The following CDH18 variants were observed in gnomAD, a reference collection of about 807,000 sequenced individuals.
CDH18 encodes the protein cadherin 18.
In CDH18, 31 loss-of-function variants were observed where a neutral mutation model predicts 67.9. That is an observed-to-expected ratio of 0.46 (90% CI 0.34 to 0.62). The LOEUF is 0.62. CDH18 is among the 20% of genes least tolerant of loss of function. CDH18 has a pLI of 0.01. For synonymous variants in CDH18, 362 were observed against 347.2 expected, an observed-to-expected ratio of 1.04 and a Z score of -0.48; for missense variants, 890 against 975.5, an observed-to-expected ratio of 0.91 and a Z score of 1.17.
At chr5:20,503,245 T>G (rs1754450111) in intron 1 of CDH18, among the ~76,000 whole-genome samples, 1 of 151,926 alleles carries the variant, frequency 6.6e-6, no homozygotes, top group Non-Finnish European at 1.5e-5. Context: ...TATTTCTTTT[T>G]TTTTTTACAT....
chr5:19,565,007 T>G (rs1740120084), intron 8 of CDH18, among the ~76,000 whole-genome samples: 1 of 151,622 alleles, frequency 6.6e-6, no homozygotes, highest in African/African-American at 2.4e-5. Context: ...GGCTGGGGTG[T>G]CAGCTCAGCC....
At chr5:20,086,612 T>C (rs1744973437) in intron 2 of CDH18, among the ~76,000 whole-genome samples, 1 of 152,006 alleles carries the variant, frequency 6.6e-6, no homozygotes, top group Non-Finnish European at 1.5e-5. Context: ...CATTTACCAC[T>C]CCAAAAAAAT....
intron 1 of CDH18, among the ~76,000 whole-genome samples, chr5:20,390,889 A>C (rs1251872302): frequency 6.6e-6 from 1 of 152,152 alleles, no homozygotes; most frequent in Non-Finnish European, 1.5e-5. Flanking sequence ...TCACAAGGAC[A>C]AAAAACCAAA....
Position 20,440,365 on chromosome 5 carries a change from T to A in CDH18, c.-580+135097A>T, listed in dbSNP as rs1445547800. Among the ~76,000 whole-genome samples, 2 of 151,814 alleles carry A rather than the reference T, an allele frequency of 1.3e-5. 1 individual carries two copies. Among genetic ancestry groups the A allele is most frequent in the African/African-American group, 4.9e-5 (2 of 41,164 alleles). On this transcript the variant is annotated intron_variant, in intron 1 of 14. Coordinates refer to the CDH18 transcript ENST00000507958. ...GACCGTAACTATAGTGAAAGGTAAGTGGTGTGGGTTAAGCAATCAACACAT... is the reference window on the plus strand; with the variant it reads ...GACCGTAACTATAGTGAAAGGTAAGAGGTGTGGGTTAAGCAATCAACACAT...
At chr5:20,005,526 C>T (rs1294544063) in intron 2 of CDH18, among the ~76,000 whole-genome samples, 1 of 151,508 alleles carries the variant, frequency 6.6e-6, no homozygotes, top group East Asian at 1.9e-4. Flanking sequence ...ACTTAGGAGA[C>T]TGTTCTTTGT....
intron 2 of CDH18, among the ~76,000 whole-genome samples, chr5:19,920,893 GCACA>G (rs70954622): frequency 6.2e-5 from 9 of 146,206 alleles, no homozygotes; most frequent in South Asian, 2.2e-4. Flanking sequence ...ACCCACAAGA[GCACA>G]CACACACACA....
chr5:20,218,979 A>G (rs1345088962), intron 2 of CDH18, among the ~76,000 whole-genome samples: 1 of 152,058 alleles, frequency 6.6e-6, no homozygotes, highest in Admixed American at 6.6e-5. Context: ...GAAAATCAAG[A>G]GTAAACCAAA....
Position 19,832,575 on chromosome 5 carries a change from T to C in CDH18, c.228+6184A>G, listed in dbSNP as rs139397146. On this transcript the variant is annotated intron_variant, in intron 3 of 12. Transcript: ENST00000382275. Reference sequence around the variant, plus strand: ...TACAAGACTGCTATGAAATTTCTTTTGGCGTTTTTGTCATGAAGTCTTAGC... The same window carrying C: ...TACAAGACTGCTATGAAATTTCTTTCGGCGTTTTTGTCATGAAGTCTTAGC... Among the ~76,000 whole-genome samples the C allele has an allele frequency of 4.6e-4, 70 of 152,280 alleles. 2 individuals carry two copies. Among genetic ancestry groups the C allele is most frequent in the African/African-American group, 1.4e-3 (59 of 41,574 alleles).
intron 2 of CDH18, among the ~76,000 whole-genome samples, chr5:20,095,648 C>A (rs1255733328): frequency 6.6e-6 from 1 of 150,542 alleles, no homozygotes. Flanking sequence ...CATTCATGGC[C>A]TGTAAATTTT....
chr5:19,965,466 T>C (rs1044626146), intron 2 of CDH18, among the ~76,000 whole-genome samples: 1 of 152,186 alleles, frequency 6.6e-6, no homozygotes, highest in African/African-American at 2.4e-5. Context: ...CTTTACTATA[T>C]GTTTAAAATA....
At chr5:20,215,900 T>C (rs1019547687) in intron 2 of CDH18, among the ~76,000 whole-genome samples, 2 of 151,826 alleles carry the variant, frequency 1.3e-5, no homozygotes, top group Non-Finnish European at 2.9e-5. Flanking sequence ...TGCATACTCT[T>C]ACTTATAAAT....
chr5:20,182,478 T>C (rs1737763628), intron 2 of CDH18, among the ~76,000 whole-genome samples: 1 of 150,672 alleles, frequency 6.6e-6, no homozygotes, highest in African/African-American at 2.4e-5. Context: ...GGTGCATGCC[T>C]ATAATCCCAG....
At chr5:20,335,434 G>C (rs1739635749) in intron 1 of CDH18, among the ~76,000 whole-genome samples, 1 of 151,868 alleles carries the variant, frequency 6.6e-6, no homozygotes, top group Non-Finnish European at 1.5e-5. Flanking sequence ...GTGGAGACAG[G>C]GTCTTGCTCT....
chr5:19,729,541 T>G (rs942630776), intron 4 of CDH18, among the ~76,000 whole-genome samples: 3 of 152,204 alleles, frequency 2.0e-5, no homozygotes, highest in African/African-American at 7.2e-5. Flanking sequence ...TGGTGTACAA[T>G]GACAGTCCAG....
intron 5 of CDH18, among the ~76,000 whole-genome samples, chr5:19,678,022 A>G (rs890498443): frequency 2.6e-5 from 4 of 151,798 alleles, no homozygotes; most frequent in Non-Finnish European, 5.9e-5. Context: ...CAAAGACTTA[A>G]TAGTGGAGAC....
intron 1 of CDH18, among the ~76,000 whole-genome samples, chr5:20,339,961 C>A (rs543243406): frequency 3.0e-4 from 45 of 152,210 alleles, no homozygotes; most frequent in African/African-American, 9.9e-4. Flanking sequence ...GAGTATTATC[C>A]AATTGAGAGG....
rs559168184 is a variant in CDH18 at position 20,429,568 on chromosome 5, G to C, written c.-580+145894C>G. Reference sequence around the variant, plus strand: ...CTTTCCCTTTTTCTTCATTGTTCTTGAAACTGTGTACAAATCTCACAAATA... The same window carrying C: ...CTTTCCCTTTTTCTTCATTGTTCTTCAAACTGTGTACAAATCTCACAAATA... On this transcript the variant is annotated intron_variant, in intron 1 of 14. Transcript: ENST00000507958. 1.9e-3 allele frequency among the ~76,000 whole-genome samples: 288 copies of C among 152,136 alleles called. 1 individual carries two copies. Among genetic ancestry groups the C allele is most frequent in the Admixed American group, 5.7e-3 (87 of 15,284 alleles).
In CDH18 at chr5:20,120,904, C is replaced by T. The variant is rs143207679; in HGVS notation, c.-517-128890G>A. 6.2e-4 allele frequency among the ~76,000 whole-genome samples: 95 copies of T among 152,136 alleles called. No individual in the cohort carries two copies. In the South Asian group the frequency reaches 0.017, roughly 27 times the overall value. ...TATATTGATTATTCTCCTGAATTAC[C>T]ATTCTTATAGCAAATTTAGATTTTC... On this transcript the variant is annotated intron_variant, in intron 2 of 14. Coordinates refer to the CDH18 transcript ENST00000507958.
chr5:19,678,792 A>C (rs2150375815), intron 5 of CDH18, among the ~76,000 whole-genome samples: 1 of 152,110 alleles, frequency 6.6e-6, no homozygotes, highest in South Asian at 2.1e-4. Context: ...TGAGTTCTGA[A>C]ATTGATTCAG....
Sources: allele counts gnomAD v4.1 joint callset (sites outside exome capture counted in the v4.1 genomes callset), GRCh38; gene constraint gnomAD v4.1.1; transcripts MANE v1.5; gene names NCBI Gene and HGNC (gene_info 2026-07-23, HGNC 2026-07-21).